LIFR: variants seen among roughly 807,000 people sequenced by gnomAD.
LIFR encodes leukemia inhibitory factor receptor.
In LIFR, 84 loss-of-function variants were observed where a neutral mutation model predicts 122.2. The observed-to-expected ratio is 0.69, with a 90% confidence interval of 0.58 to 0.82. The LOEUF (loss-of-function observed/expected upper bound fraction) is 0.82, where lower values mean the gene tolerates loss of function less well. Among genes scored for constraint, LIFR ranks in the 40% least tolerant of loss-of-function variants. The pLI is 0.00. For synonymous variants in LIFR, 422 were observed against 434.7 expected, an observed-to-expected ratio of 0.97 and a Z score of 0.36; for missense variants, 1,294 against 1,311.6, an observed-to-expected ratio of 0.99 and a Z score of 0.21.
intron 5 of LIFR, 62 bp downstream of exon 5, chr5:38,523,357 T>G: frequency 7.1e-7 from 1 of 1,417,378 alleles, no homozygotes; most frequent in Non-Finnish European, 9.8e-7. Flanking sequence ...CCTTAAGGCT[T>G]CTTAAAAAAA....
intron 1 of LIFR, among the ~76,000 whole-genome samples, chr5:38,587,208 G>A (rs1179010674): frequency 6.6e-6 from 1 of 151,892 alleles, no homozygotes; most frequent in Non-Finnish European, 1.5e-5. Flanking sequence ...ATCCCATGGA[G>A]TCTAATGGGG....
In LIFR at chr5:38,480,460, C is replaced by T. The variant is rs750168816; in HGVS notation, c.*1135G>A. The T allele has an allele frequency of 1.6e-4, 35 of 217,462 alleles. No homozygotes were observed. Among genetic ancestry groups the T allele is most frequent in the Non-Finnish European group, 2.4e-4 (26 of 108,114 alleles). 13.5% of individuals were successfully genotyped at this position (217,462 alleles called of 1,614,324 possible). On this transcript the variant is annotated 3_prime_UTR_variant, in exon 20 of 20. Coordinates refer to ENST00000453190, the MANE Select transcript of LIFR (RefSeq NM_001127671.2). The stretch of plus-strand genomic sequence containing the variant: ...AAGAAACAGCCCTTGGGTAACTGTT[C>T]CTGTAAGAAGCATTCTCTCTTTAGT...
At chr5:38,488,489 A>T (rs1744405070) in intron 16 of LIFR, among the ~76,000 whole-genome samples, 1 of 152,228 alleles carries the variant, frequency 6.6e-6, no homozygotes, top group African/African-American at 2.4e-5. Context: ...AACATAATGA[A>T]AGGAAAAGCC....
At chr5:38,557,267 G>C (rs959983142), upstream of LIFR, 1 of 152,226 alleles carries the variant, frequency 6.6e-6, no homozygotes, top group African/African-American at 2.4e-5. Context: ...CTCGGAGGCG[G>C]GGTGGGCTTA....
At chr5:38,607,056 C>A (rs1750343964) in intron 1 of LIFR, among the ~76,000 whole-genome samples, 2 of 152,268 alleles carry the variant, frequency 1.3e-5, no homozygotes, top group Non-Finnish European at 2.9e-5. Flanking sequence ...TAGGGAACAT[C>A]AAAAATCATC....
At chr5:38,571,448 A>C (rs909380898) in intron 1 of LIFR, among the ~76,000 whole-genome samples, 1 of 149,960 alleles carries the variant, frequency 6.7e-6, no homozygotes, top group Non-Finnish European at 1.5e-5. Flanking sequence ...CCAGCTACTT[A>C]AGAGGCTGGG....
chr5:38,495,977 G>GT (rs545628979), intron 13 of LIFR, among the ~76,000 whole-genome samples: 5,379 of 143,746 alleles, frequency 0.037, 101 homozygotes, highest in East Asian at 0.085. Context: ...TAAAATAAGC[G>GT]TTTTTTTTTT....
chr5:38,514,929 A>C (rs181254603), intron 5 of LIFR, among the ~76,000 whole-genome samples: 235 of 152,294 alleles, frequency 1.5e-3, no homozygotes, highest in African/African-American at 5.3e-3. Context: ...TCTGGTATCT[A>C]AGGGAGGTCC....
intron 5 of LIFR, among the ~76,000 whole-genome samples, chr5:38,521,695 C>T (rs1746407525): frequency 6.6e-6 from 1 of 152,076 alleles, no homozygotes; most frequent in African/African-American, 2.4e-5. Flanking sequence ...ATGGCAGTAG[C>T]AGTGGTAGGA....
intron 1 of LIFR, among the ~76,000 whole-genome samples, chr5:38,539,711 A>G (rs1747485438): frequency 6.6e-6 from 1 of 152,068 alleles, no homozygotes; most frequent in Non-Finnish European, 1.5e-5. Flanking sequence ...ACTATCCCTA[A>G]AGGCCTTTCT....
At position 38,482,586 on chromosome 5, in the gene LIFR, T is replaced by C; in HGVS notation, c.2670+3A>G. On this transcript the variant is annotated splice_donor_region_variant and intron_variant, in intron 19 of 19. Transcript: ENST00000453190. ...AGATAAATATAAGAAAATAAAAGAT[T>C]ACCTCACAGACACTCTTTTGAAACT... The C allele has an allele frequency of 7.1e-7, 1 of 1,407,108 alleles. No homozygotes were observed. Among genetic ancestry groups the C allele is most frequent in the Non-Finnish European group, 9.8e-7 (1 of 1,021,238 alleles). The allele number at this position is 1,407,108 out of a possible 1,614,324, so 87.2% of individuals were successfully genotyped here.
upstream of LIFR, among the ~76,000 whole-genome samples, chr5:38,599,942 C>G (rs933724620): frequency 2.0e-5 from 3 of 152,102 alleles, no homozygotes; most frequent in Admixed American, 2.0e-4. Context: ...ACCTTCCTCC[C>G]TTTTAGAAAT....
intron 1 of LIFR, among the ~76,000 whole-genome samples, chr5:38,543,286 T>C (rs933717200): frequency 2.0e-5 from 3 of 152,068 alleles, no homozygotes; most frequent in African/African-American, 7.2e-5. Context: ...TAACCTGTAC[T>C]CTCTCAACCC....
upstream of LIFR, among the ~76,000 whole-genome samples, chr5:38,598,244 TATTTTTTTTTTTTTTC>T (rs1561235540): frequency 0.028 from 950 of 34,290 alleles, 56 homozygotes; most frequent in African/African-American, 0.11. Flanking sequence ...TTTATTTATT[TATTTTTTTTTTTTTTC>T]TTTTTAGAGG....
At chr5:38,516,572 G>C (rs1038092354) in intron 5 of LIFR, among the ~76,000 whole-genome samples, 3 of 152,344 alleles carry the variant, frequency 2.0e-5, no homozygotes, top group African/African-American at 7.2e-5. Context: ...TGTTGGAGAG[G>C]ATGTGGAGAA....
chr5:38,493,997 C>T (rs964814225), intron 13 of LIFR, among the ~76,000 whole-genome samples: 1 of 152,142 alleles, frequency 6.6e-6, no homozygotes, highest in African/African-American at 2.4e-5. Flanking sequence ...CATAGATTAA[C>T]ACAGCAGCTC....
intron 5 of LIFR, among the ~76,000 whole-genome samples, chr5:38,516,094 T>C (rs756988808): frequency 2.6e-5 from 4 of 152,206 alleles, no homozygotes; most frequent in Non-Finnish European, 5.9e-5. Flanking sequence ...CTTCTTGCTA[T>C]TATTTTCCCA....
intron 2 of LIFR, among the ~76,000 whole-genome samples, chr5:38,601,304 C>T (rs1358248381): frequency 6.6e-6 from 1 of 152,168 alleles, no homozygotes; most frequent in Non-Finnish European, 1.5e-5. Flanking sequence ...TTGATCTTGG[C>T]CTTCCCAGCC....
chr5:38,518,547 T>C (rs1445201668), intron 5 of LIFR, among the ~76,000 whole-genome samples: 3 of 152,240 alleles, frequency 2.0e-5, no homozygotes, highest in Admixed American at 6.5e-5. Flanking sequence ...TAGTGCAACG[T>C]ATTACTCATG....
Sources: gnomAD v4.1 joint callset for allele counts (sites outside exome capture counted in the v4.1 genomes callset) on GRCh38, gnomAD v4.1.1 for gene constraint, MANE v1.5 for transcripts, NCBI Gene and HGNC (gene_info 2026-07-23, HGNC 2026-07-21) for gene names.